TBCA: variants seen among roughly 807,000 people sequenced by gnomAD.
TBCA encodes the protein tubulin folding cofactor A.
Under a neutral mutation model 15.8 loss-of-function variants are expected in TBCA, and 6 were observed. The ratio of observed to expected loss-of-function variants is 0.38; its 90% confidence interval spans 0.21 to 0.75. The LOEUF (loss-of-function observed/expected upper bound fraction) is 0.75. Ranked by LOEUF, TBCA falls within the 30% of genes least tolerant of loss-of-function variation. The pLI is 0.46. For missense variants in TBCA, 90 were observed against 131.2 expected, an observed-to-expected ratio of 0.69 and a Z score of 1.53; for synonymous variants, 32 against 42.3, an observed-to-expected ratio of 0.76 and a Z score of 0.94.
In TBCA at chr5:77,712,986, A is replaced by T. The variant is rs1219717915; in HGVS notation, c.54-4639T>A. On this transcript the variant is annotated intron_variant, in intron 1 of 3. Transcript: ENST00000380377. ...TCAACATGTGTGTGTGAAAATTTAT[A>T]TTTAGATATATAAAAAAATAATTTG... Among the ~76,000 whole-genome samples, 23 of 152,256 alleles carry T rather than the reference A, an allele frequency of 1.5e-4. No individual in the cohort carries two copies. In the East Asian group the frequency reaches 4.2e-3, roughly 28 times the overall value.
chr5:77,741,633 G>T (rs548595691), intron 1 of TBCA, among the ~76,000 whole-genome samples: 1 of 152,318 alleles, frequency 6.6e-6, no homozygotes, highest in South Asian at 2.1e-4. Flanking sequence ...GTATTATCCA[G>T]AGCAGATGGC....
intron 3 of TBCA, 49 bp from the exon 4 acceptor site, chr5:77,691,547 T>C (rs749973056): frequency 1.8e-5 from 27 of 1,499,536 alleles, no homozygotes; most frequent in Admixed American, 2.6e-5. Context: ...CAAGTTTCAG[T>C]ACTTTGTTAT....
intron 1 of TBCA, among the ~76,000 whole-genome samples, chr5:77,775,696 A>G (rs1352346570): frequency 6.6e-6 from 1 of 152,208 alleles, no homozygotes; most frequent in African/African-American, 2.4e-5. Flanking sequence ...AAAGCCTGCC[A>G]GTCACGCCAG....
At chr5:77,757,198 C>CA (rs1174751157) in intron 1 of TBCA, among the ~76,000 whole-genome samples, 1 of 152,072 alleles carries the variant, frequency 6.6e-6, no homozygotes, top group East Asian at 1.9e-4. Flanking sequence ...ACAACAACAA[C>CA]AAAAAATCCA....
intron 1 of TBCA, among the ~76,000 whole-genome samples, chr5:77,729,416 G>T (rs1746709873): frequency 6.6e-6 from 1 of 152,058 alleles, no homozygotes; most frequent in Non-Finnish European, 1.5e-5. Context: ...AAATACCACA[G>T]CCTCACTAGA....
chr5:77,724,626 A>C (rs777267344), intron 1 of TBCA, among the ~76,000 whole-genome samples: 10 of 152,146 alleles, frequency 6.6e-5, no homozygotes, highest in Admixed American at 1.3e-4. Context: ...ACACTTCAAC[A>C]AAGTCATACC....
intron 1 of TBCA, among the ~76,000 whole-genome samples, chr5:77,747,099 A>T (rs762073481): frequency 2.6e-5 from 4 of 152,128 alleles, no homozygotes; most frequent in Non-Finnish European, 4.4e-5. Context: ...ATTTTTAAGA[A>T]AATTACACTT....
intron 1 of TBCA, among the ~76,000 whole-genome samples, chr5:77,767,577 G>A (rs1371512051): frequency 6.6e-6 from 1 of 152,150 alleles, no homozygotes; most frequent in Non-Finnish European, 1.5e-5. Flanking sequence ...GGGCTTGGGG[G>A]TAGGGAATCA....
intron 1 of TBCA, among the ~76,000 whole-genome samples, chr5:77,733,692 G>A (rs959179211): frequency 6.6e-6 from 1 of 152,244 alleles, no homozygotes; most frequent in Non-Finnish European, 1.5e-5. Flanking sequence ...GCAAGGGGAA[G>A]CAGCAAGTGC....
At chr5:77,714,063 T>TA (rs1000544777) in intron 1 of TBCA, among the ~76,000 whole-genome samples, 2 of 150,622 alleles carry the variant, frequency 1.3e-5, no homozygotes, top group South Asian at 4.2e-4. Context: ...TCAACGCCTG[T>TA]AATCCCAGCA....
At chr5:77,706,119 T>C (rs901432012) in intron 2 of TBCA, among the ~76,000 whole-genome samples, 2 of 152,214 alleles carry the variant, frequency 1.3e-5, no homozygotes, top group Non-Finnish European at 2.9e-5. Context: ...TTTTAAATGA[T>C]TGATTAATTT....
chr5:77,729,296 AGAGT>A lies in TBCA; in HGVS notation c.54-20953_54-20950del, dbSNP rs574202078. The stretch of plus-strand genomic sequence containing the variant: ...GCCACTGCACTCTAGCCTAGGTGGC[AGAGT>A]GAGATTCCATCTAAAAAAAAAGGAG... On this transcript the variant is annotated intron_variant, in intron 1 of 3. Coordinates refer to ENST00000380377, the MANE Select transcript of TBCA (RefSeq NM_004607.3). Among the ~76,000 whole-genome samples, 10 of 152,212 alleles carry A rather than the reference AGAGT, an allele frequency of 6.6e-5. No homozygotes were observed. In the South Asian group the frequency reaches 2.1e-3, roughly 32 times the overall value.
At chr5:77,715,467 T>C (rs1396698835) in intron 1 of TBCA, 6 of 493,938 alleles carry the variant, frequency 1.2e-5, no homozygotes, top group Non-Finnish European at 1.8e-5. Context: ...AGTAATAAGG[T>C]AGAAGATATT....
intron 1 of TBCA, among the ~76,000 whole-genome samples, chr5:77,739,714 C>T (rs1398350645): frequency 2.0e-5 from 3 of 152,092 alleles, no homozygotes; most frequent in African/African-American, 7.2e-5. Context: ...TCATCAAATC[C>T]TCATCTTATA....
At chr5:77,733,342 A>T (rs1746819115) in intron 1 of TBCA, among the ~76,000 whole-genome samples, 1 of 152,236 alleles carries the variant, frequency 6.6e-6, no homozygotes, top group African/African-American at 2.4e-5. Context: ...GAAAGCCAAG[A>T]TAGGCCTAAA....
rs2112414672 is a variant in TBCA, at chr5:77,691,451, A to T, written c.294T>A (p.Arg98=). The change falls in exon 4 of 4, where the codon CGT becomes CGA. Residue 98 remains arginine (R), a synonymous_variant. Transcript: ENST00000380377. The part of the protein sequence containing the change: ...LEEAEEYKEA[R]LVLDSVKLEA ...CTAACTTCACTGAATCCAGTACTAAACGTGCTTCTTTATATTCCTCAGCTT... is the reference window on the plus strand; with the variant it reads ...CTAACTTCACTGAATCCAGTACTAATCGTGCTTCTTTATATTCCTCAGCTT... 6.3e-7 allele frequency: 1 copy of T among 1,597,400 alleles called. No individual in the cohort carries two copies. Among genetic ancestry groups the T allele is most frequent in the Non-Finnish European group, 8.5e-7 (1 of 1,176,230 alleles).
chr5:77,724,891 T>C (rs1746598962), intron 1 of TBCA, among the ~76,000 whole-genome samples: 1 of 152,200 alleles, frequency 6.6e-6, no homozygotes, highest in Non-Finnish European at 1.5e-5. Flanking sequence ...GGAAATACAC[T>C]ATTCTGATTT....
At chr5:77,760,579 C>A (rs940955598) in intron 1 of TBCA, among the ~76,000 whole-genome samples, 2 of 152,198 alleles carry the variant, frequency 1.3e-5, no homozygotes, top group African/African-American at 4.8e-5. Context: ...CGCGCCACCA[C>A]GCCTGACTGG....
intron 1 of TBCA, among the ~76,000 whole-genome samples, chr5:77,748,328 T>G (rs1415245374): frequency 1.3e-5 from 2 of 151,582 alleles, no homozygotes; most frequent in Non-Finnish European, 2.9e-5. Context: ...AGCAAACTAA[T>G]TACCACCTAC....
Sources: allele counts gnomAD v4.1 joint callset (sites outside exome capture counted in the v4.1 genomes callset), GRCh38; gene constraint gnomAD v4.1.1; transcripts MANE v1.5; gene names NCBI Gene and HGNC (gene_info 2026-07-23, HGNC 2026-07-21).